The following CELF4 variants were observed in gnomAD, a reference collection of about 807,000 sequenced individuals.
CELF4 encodes the protein CUG-BP- and ETR-3-like factor 4.
Under a neutral mutation model 59.9 loss-of-function variants are expected in CELF4, and 18 were observed. That is an observed-to-expected ratio of 0.30 (90% CI 0.21 to 0.45). The LOEUF (loss-of-function observed/expected upper bound fraction) is 0.45, where lower values mean the gene tolerates loss of function less well. Among genes scored for constraint, CELF4 ranks in the 20% least tolerant of loss-of-function variants. The probability of loss-of-function intolerance (pLI) is 1.00; values close to 1 mark genes in which losing one functional copy is unlikely to be tolerated. For missense variants in CELF4, 456 were observed against 689.0 expected (o/e 0.66, Z 3.79); for synonymous variants, 261 against 267.1 (o/e 0.98, Z 0.22).
At chr18:37,304,829 G>A (rs963047115) in intron 3 of CELF4, among the ~76,000 whole-genome samples, 1 of 152,200 alleles carries the variant, frequency 6.6e-6, no homozygotes, top group East Asian at 1.9e-4. Context: ...CCCTGGGGTG[G>A]CTCTCCGCAA....
intron 2 of CELF4, among the ~76,000 whole-genome samples, chr18:37,453,820 C>T (rs1234932715): frequency 2.6e-5 from 4 of 152,206 alleles, no homozygotes; most frequent in African/African-American, 4.8e-5. Flanking sequence ...ATATGAGCCT[C>T]TGTACCACCC....
chr18:37,430,128 G>A (rs1246839456), intron 2 of CELF4, among the ~76,000 whole-genome samples: 3 of 152,106 alleles, frequency 2.0e-5, no homozygotes, highest in Non-Finnish European at 4.4e-5. Flanking sequence ...TCTGTACCCT[G>A]CCATCCGCCA....
intron 3 of CELF4, among the ~76,000 whole-genome samples, chr18:37,278,510 C>G (rs2093693510): frequency 6.6e-6 from 1 of 152,218 alleles, no homozygotes; most frequent in Non-Finnish European, 1.5e-5. Flanking sequence ...ACTGACTCCC[C>G]CTCCCGCTCC....
At position 37,274,295 on chromosome 18, in the gene CELF4, G is replaced by A. The variant is rs1414111063; in HGVS notation, c.801+16C>T. ...AGTGAGCTTGAGAACCGCTGCCCGTGCGCGCTGCCACTTACTGCCTGAGCG... is the reference window on the plus strand; with the variant it reads ...AGTGAGCTTGAGAACCGCTGCCCGTACGCGCTGCCACTTACTGCCTGAGCG... On this transcript the variant is annotated intron_variant, in intron 6 of 12. Coordinates refer to ENST00000420428, the MANE Select transcript of CELF4 (RefSeq NM_020180.4). 6.2e-7 allele frequency: 1 copy of A among 1,609,838 alleles called. No homozygotes were observed. Among genetic ancestry groups the A allele is most frequent in the Non-Finnish European group, 8.5e-7 (1 of 1,178,906 alleles).
intron 1 of CELF4, among the ~76,000 whole-genome samples, chr18:37,490,003 A>T (rs1340577066): frequency 2.0e-5 from 3 of 152,170 alleles, no homozygotes; most frequent in African/African-American, 7.2e-5. Context: ...AGCAAAAAAA[A>T]ATTAAAAACC....
Position 37,516,032 on chromosome 18 carries a change from G to A in CELF4, c.287-30425C>T, listed in dbSNP as rs552053868. On this transcript the variant is annotated intron_variant, in intron 1 of 12. Transcript: ENST00000420428. ...AGTGAGTGAATGAATGAATGAATGTGGATGATGAGGGTCTGGTGAAGGTGT... is the reference window on the plus strand; with the variant it reads ...AGTGAGTGAATGAATGAATGAATGTAGATGATGAGGGTCTGGTGAAGGTGT... Among the ~76,000 whole-genome samples the A allele has an allele frequency of 4.6e-5, 7 of 152,306 alleles. No homozygotes were observed. The South Asian group carries it at 1.5e-3, about 32-fold the overall frequency.
intron 3 of CELF4, among the ~76,000 whole-genome samples, chr18:37,319,885 C>G (rs1361261631): frequency 6.6e-6 from 1 of 152,128 alleles, no homozygotes. Flanking sequence ...TTGGCAGAAG[C>G]CAAGAGCTCC....
chr18:37,335,598 G>T (rs2097744637), intron 2 of CELF4, among the ~76,000 whole-genome samples: 1 of 151,842 alleles, frequency 6.6e-6, no homozygotes, highest in Admixed American at 6.6e-5. Context: ...GTGGCCCCCT[G>T]CTGGCCTCCA....
intron 8 of CELF4, 96 bp downstream of exon 8, chr18:37,270,672 G>A: frequency 7.7e-6 from 11 of 1,437,896 alleles, no homozygotes; most frequent in Non-Finnish European, 1.1e-5. Flanking sequence ...AATGGACAGA[G>A]GGCAGGAGCC....
intron 12 of CELF4, among the ~76,000 whole-genome samples, chr18:37,247,769 C>T (rs1046897208): frequency 6.6e-6 from 1 of 152,070 alleles, no homozygotes; most frequent in Non-Finnish European, 1.5e-5. Flanking sequence ...GGGAGGGGGG[C>T]ATGGGCGGTT....
At chr18:37,419,386 TCAGGAAAAGACG>T (rs1226744128) in intron 2 of CELF4, among the ~76,000 whole-genome samples, 1 of 152,028 alleles carries the variant, frequency 6.6e-6, no homozygotes, top group Non-Finnish European at 1.5e-5. Flanking sequence ...ACTCTGTGAG[TCAGGAAAAGACG>T]CAGGAGAGAT....
At chr18:37,524,561 G>A (rs2099961332) in intron 1 of CELF4, among the ~76,000 whole-genome samples, 1 of 152,172 alleles carries the variant, frequency 6.6e-6, no homozygotes, top group Admixed American at 6.5e-5. Flanking sequence ...TTAAACCAAA[G>A]GTAAATTTTC....
chr18:37,501,450 A>G (rs1469468162), intron 1 of CELF4, among the ~76,000 whole-genome samples: 3 of 152,212 alleles, frequency 2.0e-5, no homozygotes, highest in Admixed American at 6.5e-5. Context: ...TTCCATCATT[A>G]AGTGTCTGGG....
At chr18:37,367,964 G>T (rs1457415453) in intron 2 of CELF4, among the ~76,000 whole-genome samples, 1 of 151,998 alleles carries the variant, frequency 6.6e-6, no homozygotes, top group Admixed American at 6.6e-5. Flanking sequence ...GTCAGGGGGA[G>T]GGTGGGCTTG....
intron 11 of CELF4, among the ~76,000 whole-genome samples, chr18:37,255,867 C>T (rs2068992560): frequency 6.6e-6 from 1 of 152,164 alleles, no homozygotes; most frequent in Non-Finnish European, 1.5e-5. Context: ...GTCTAGGGCA[C>T]AGGCGTAGCG....
chr18:37,355,753 A>G (rs1262001409), intron 2 of CELF4, among the ~76,000 whole-genome samples: 1 of 152,164 alleles, frequency 6.6e-6, no homozygotes, highest in Non-Finnish European at 1.5e-5. Flanking sequence ...AGAGTGGGTG[A>G]CCAGGCCAGG....
intron 1 of CELF4, among the ~76,000 whole-genome samples, chr18:37,533,912 G>A (rs973963496): frequency 6.6e-6 from 1 of 152,180 alleles, no homozygotes; most frequent in African/African-American, 2.4e-5. Flanking sequence ...TCCTGGAGTC[G>A]GGGGCTTGGT....
At chr18:37,320,845 G>A (rs1042522611) in intron 3 of CELF4, among the ~76,000 whole-genome samples, 13 of 152,190 alleles carry the variant, frequency 8.5e-5, no homozygotes, top group African/African-American at 2.7e-4. Context: ...ATGGGGCTGG[G>A]GAGTCTGTTT....
intron 1 of CELF4, among the ~76,000 whole-genome samples, chr18:37,541,707 G>C (rs1036998431): frequency 1.1e-4 from 17 of 151,864 alleles, no homozygotes; most frequent in African/African-American, 3.9e-4. Context: ...TCTTCCTCCT[G>C]TCTCTTGAAC....
Sources: gnomAD v4.1 joint callset for allele counts (sites outside exome capture counted in the v4.1 genomes callset) on GRCh38, gnomAD v4.1.1 for gene constraint, MANE v1.5 for transcripts, NCBI Gene and HGNC (gene_info 2026-07-23, HGNC 2026-07-21) for gene names.